Variants in RAB18 observed in about 807,000 individuals in gnomAD.
The protein encoded by RAB18 is RAB18, member RAS oncogene family, also known as ras-related protein Rab-18.
A neutral mutation model predicts 28.5 loss-of-function variants in RAB18; 10 were observed. The ratio of observed to expected loss-of-function variants is 0.35; its 90% CI spans 0.22 to 0.60. RAB18 has a LOEUF of 0.60. RAB18 is among the 20% of genes least tolerant of loss of function. The probability of loss-of-function intolerance (pLI) is 0.78; values close to 1 mark genes in which losing one functional copy is unlikely to be tolerated. For missense variants in RAB18, 188 were observed against 244.2 expected (o/e 0.77, Z 1.53); for synonymous variants, 93 against 86.9 (o/e 1.07, Z -0.39).
intron 2 of RAB18, among the ~76,000 whole-genome samples, chr10:27,516,045 C>T (rs1003998543): frequency 3.9e-5 from 6 of 151,964 alleles, no homozygotes; most frequent in South Asian, 2.1e-4. Context: ...TTGAGGATTG[C>T]TTTAATTTTT....
intron 2 of RAB18, among the ~76,000 whole-genome samples, chr10:27,513,384 A>G (rs983834215): frequency 6.6e-6 from 1 of 152,160 alleles, no homozygotes; most frequent in Admixed American, 6.5e-5. Context: ...CCTTGTGAAA[A>G]TTAGTGTTTT....
chr10:27,527,639 CTG>C (rs1589580880), intron 3 of RAB18, among the ~76,000 whole-genome samples: 2 of 151,562 alleles, frequency 1.3e-5, no homozygotes, highest in East Asian at 1.9e-4. Context: ...TTCACATAGA[CTG>C]TGATAATTAT....
In RAB18 at chr10:27,525,427, CTTTT is replaced by C. The variant is rs10655072; in HGVS notation, c.125-1392_125-1389del. Reference sequence around the variant, plus strand: ...GAATTTTCTCAGGGTTTGTGCTTTGCTTTTTTTTTTTTAAAGCAATAGGAAGAAA... The same window carrying C: ...GAATTTTCTCAGGGTTTGTGCTTTGCTTTTTTTTAAAGCAATAGGAAGAAA... On this transcript the variant is annotated intron_variant, in intron 2 of 6. Coordinates refer to ENST00000356940, the MANE Select transcript of RAB18 (RefSeq NM_021252.5). Among the ~76,000 whole-genome samples, 21 of 146,092 alleles carry C rather than the reference CTTTT, an allele frequency of 1.4e-4. No homozygotes were observed. In the East Asian group the frequency reaches 4.3e-3, roughly 30 times the overall value.
rs10829269 is a variant in RAB18 at position 27,541,747 on chromosome 10, T to A, written c.*3696T>A. The A allele has an allele frequency of 0.21, 94,376 of 453,364 alleles. 11,473 individuals are homozygous for A. Among genetic ancestry groups the A allele is most frequent in the Admixed American group, 0.38 (15,987 of 42,504 alleles). The allele number at this position is 453,364 out of a possible 1,614,324, so 28.1% of individuals were successfully genotyped here. A position where few individuals can be genotyped will look rare whatever the true frequency, so the allele number is the denominator to read the frequency against. ...TACTTTTAATATTTTATTGGATATG[T>A]TTGTGACTGACTTTAATTTCTTGTT... On this transcript the variant is annotated 3_prime_UTR_variant, in exon 7 of 7. Coordinates refer to ENST00000356940, the MANE Select transcript of RAB18 (RefSeq NM_021252.5).
At chr10:27,524,477 A>G (rs1168509151) in intron 2 of RAB18, among the ~76,000 whole-genome samples, 1 of 152,244 alleles carries the variant, frequency 6.6e-6, no homozygotes, top group Non-Finnish European at 1.5e-5. Context: ...TTTAGTTAAA[A>G]CTAGATAATA....
At chr10:27,528,260 CA>C in intron 3 of RAB18, 1 of 475,090 alleles carries the variant, frequency 2.1e-6, no homozygotes. Flanking sequence ...AAAAGGCTGG[CA>C]GGTATTATTG....
chr10:27,511,954 CT>C (rs1450103349), intron 2 of RAB18, among the ~76,000 whole-genome samples: 1 of 151,234 alleles, frequency 6.6e-6, no homozygotes, highest in Middle Eastern at 3.4e-3. Flanking sequence ...AGTAAGAGCT[CT>C]TTTTTTTTCT....
chr10:27,520,070 T>C (rs1262276673), intron 2 of RAB18, among the ~76,000 whole-genome samples: 3 of 152,368 alleles, frequency 2.0e-5, no homozygotes, highest in East Asian at 3.9e-4. Flanking sequence ...TTCATTCTTT[T>C]AATGCGATGT....
chr10:27,539,370 T>A lies in RAB18; in HGVS notation c.*1319T>A. ...CAATTGCAAATGATAAGCATTTTTGTGAGTGACCACCTTTGCAATATGTTT... is the reference window on the plus strand; with the variant it reads ...CAATTGCAAATGATAAGCATTTTTGAGAGTGACCACCTTTGCAATATGTTT... On this transcript the variant is annotated 3_prime_UTR_variant, in exon 7 of 7. Transcript: ENST00000356940. 3.4e-6 allele frequency: 1 copy of A among 295,334 alleles called. No individual in the cohort carries two copies. Among genetic ancestry groups the A allele is most frequent in the South Asian group, 3.2e-5 (1 of 31,572 alleles). The allele number at this position is 295,334 out of a possible 1,614,324, so 18.3% of individuals were successfully genotyped here. A position where few individuals can be genotyped will look rare whatever the true frequency, so the allele number is the denominator to read the frequency against.
chr10:27,513,906 A>G (rs1834379021), intron 2 of RAB18: 1 of 152,250 alleles, frequency 6.6e-6, no homozygotes, highest in South Asian at 2.1e-4. Context: ...GAAGCCAAAC[A>G]AGGAGTCACA....
At chr10:27,509,349 T>C (rs190114803) in intron 1 of RAB18, among the ~76,000 whole-genome samples, 7 of 152,328 alleles carry the variant, frequency 4.6e-5, no homozygotes, top group Admixed American at 3.9e-4. Context: ...ATCTTTCTTT[T>C]AACCTCTCTT....
chr10:27,532,402 C>A, intron 3 of RAB18, 105 bp from the exon 4 acceptor site: 1 of 800,712 alleles, frequency 1.2e-6, no homozygotes, highest in Non-Finnish European at 2.1e-6. Flanking sequence ...TGAGCTCATG[C>A]ATTAATACTA....
chr10:27,510,971 A>G (rs1276647792), intron 2 of RAB18, among the ~76,000 whole-genome samples: 2 of 152,282 alleles, frequency 1.3e-5, no homozygotes, highest in African/African-American at 4.8e-5. Context: ...CTCTACACAC[A>G]GTATTCTTTT....
At chr10:27,522,303 ATATTT>A (rs1009420182) in intron 2 of RAB18, among the ~76,000 whole-genome samples, 1 of 152,130 alleles carries the variant, frequency 6.6e-6, no homozygotes, top group African/African-American at 2.4e-5. Flanking sequence ...TTTTATCAAA[ATATTT>A]TGTTTTAGTC....
intron 1 of RAB18, 129 bp from the exon 2 acceptor site, chr10:27,509,746 C>T: frequency 1.3e-6 from 1 of 773,362 alleles, no homozygotes; most frequent in Non-Finnish European, 2.2e-6. Context: ...AGGCAGTATT[C>T]CTAGGAACAG....
intron 1 of RAB18, 26 bp from the exon 2 acceptor site, chr10:27,509,849 A>G (rs1487141942): frequency 6.3e-7 from 1 of 1,594,650 alleles, no homozygotes; most frequent in East Asian, 2.2e-5. Flanking sequence ...CAAGTTCCCA[A>G]CCTGTCTTTT....
intron 6 of RAB18, among the ~76,000 whole-genome samples, chr10:27,534,534 G>T (rs1834854765): frequency 6.6e-6 from 1 of 152,190 alleles, no homozygotes; most frequent in Non-Finnish European, 1.5e-5. Flanking sequence ...AGCTGCTTTT[G>T]TGCCATATGG....
In RAB18 at chr10:27,524,415, A is replaced by G. The variant is rs145190974; in HGVS notation, c.125-2413A>G. ...TAATATCTTCTGGTCTCCCATTCAC[A>G]TATATCTACTGTTGAGTTCATATTT... On this transcript the variant is annotated intron_variant, in intron 2 of 6. Coordinates refer to ENST00000356940, the MANE Select transcript of RAB18 (RefSeq NM_021252.5). 9.3e-4 allele frequency among the ~76,000 whole-genome samples: 142 copies of G among 152,308 alleles called. 1 individual carries two copies. The highest frequency in any genetic ancestry group is 3.3e-3 in the African/African-American group (138 of 41,570).
At chr10:27,519,692 A>G (rs757973479) in intron 2 of RAB18, among the ~76,000 whole-genome samples, 1 of 152,170 alleles carries the variant, frequency 6.6e-6, no homozygotes, top group Non-Finnish European at 1.5e-5. Context: ...ATGAATGGAA[A>G]GATATAACTT....
Sources: allele counts gnomAD v4.1 joint callset (sites outside exome capture counted in the v4.1 genomes callset), GRCh38; gene constraint gnomAD v4.1.1; transcripts MANE v1.5; gene names NCBI Gene and HGNC (gene_info 2026-07-23, HGNC 2026-07-21).